Variants in AATK observed in about 807,000 individuals in gnomAD.
AATK encodes lemur tail kinase 1.
In AATK, 91 loss-of-function variants were observed where a neutral mutation model predicts 114.3. The ratio of observed to expected loss-of-function variants is 0.80; its 90% confidence interval spans 0.67 to 0.95. The LOEUF (loss-of-function observed/expected upper bound fraction) is 0.95, where lower values mean the gene tolerates loss of function less well. Ranked by LOEUF, AATK falls within the 40% of genes least tolerant of loss-of-function variation. The pLI is 0.00. For missense variants in AATK, 2,176 were observed against 1,965.2 expected (o/e 1.11, Z -2.03); for synonymous variants, 1,075 against 916.5 (o/e 1.17, Z -3.12).
chr17:81,137,886 A>G (rs2061038413), intron 1 of AATK, among the ~76,000 whole-genome samples: 1 of 151,818 alleles, frequency 6.6e-6, no homozygotes, highest in Admixed American at 6.6e-5. Flanking sequence ...CCGCACAGGC[A>G]TATACCCACG....
At chr17:81,128,574 G>T (rs1442600685) in intron 3 of AATK, 25 bp from the exon 4 acceptor site, 2 of 1,548,388 alleles carry the variant, frequency 1.3e-6, no homozygotes, top group Non-Finnish European at 1.7e-6. Flanking sequence ...GGGGTTCAGG[G>T]ACCCAGTGTG....
In AATK at chr17:81,120,785, C is replaced by G. The variant is rs771319677; in HGVS notation, c.3151G>C (p.Gly1051Arg). 3 of 1,567,756 alleles carry G rather than the reference C, an allele frequency of 1.9e-6. No individual in the cohort carries two copies. The highest frequency in any genetic ancestry group is 2.6e-6 in the Non-Finnish European group (3 of 1,156,944). Residue 1051 changes from glycine (G) to arginine (R), a missense_variant, in exon 11 of 14, where the codon GGC (glycine) becomes CGC (arginine). Around this residue, in one of 4 missense-constraint regions of AATK, gnomAD observed 1,701 missense variants for 1,394.7 expected, o/e 1.22. Transcript: ENST00000326724. ...PGVSGEAQGS[G>R]PGEVLPPLLQ... ...AGTGGGGGCAGCACCTCCCCGGGGC[C>G]AGAGCCTTGTGCCTCCCCGGAAACC...
At chr17:81,161,269 T>C (rs1330790370) in intron 1 of AATK, among the ~76,000 whole-genome samples, 1 of 152,036 alleles carries the variant, frequency 6.6e-6, no homozygotes, top group East Asian at 1.9e-4. Context: ...TTCCTGCCTC[T>C]CCGGCACAGC....
intron 2 of AATK, among the ~76,000 whole-genome samples, chr17:81,134,101 G>A (rs886941998): frequency 5.9e-5 from 9 of 152,160 alleles, no homozygotes; most frequent in Non-Finnish European, 7.4e-5. Flanking sequence ...GTGAGTGCTC[G>A]GGCCCAACCC....
chr17:81,154,302 T>C (rs1439728222), intron 1 of AATK, among the ~76,000 whole-genome samples: 1 of 149,316 alleles, frequency 6.7e-6, no homozygotes, highest in African/African-American at 2.5e-5. Context: ...ATTTTCTTTT[T>C]TCTTAGTTTT....
At position 81,128,457 on chromosome 17, in the gene AATK, G is replaced by T. The variant is rs1349243958; in HGVS notation, c.414+13C>A. On this transcript the variant is annotated intron_variant, in intron 4 of 13. Coordinates refer to ENST00000326724, the MANE Select transcript of AATK (RefSeq NM_001080395.3). ...CCCAGGCGGGAGTCCTCCCTCCCAG[G>T]CGGGACACGTACCTTCCCGAACCAG... is the stretch of plus-strand genomic sequence containing the variant. 1.3e-6 allele frequency: 2 copies of T among 1,548,702 alleles called. No individual in the cohort carries two copies. Among genetic ancestry groups the T allele is most frequent in the Non-Finnish European group, 1.7e-6 (2 of 1,146,788 alleles).
intron 1 of AATK, among the ~76,000 whole-genome samples, chr17:81,144,592 C>T (rs2061189480): frequency 6.6e-6 from 1 of 152,244 alleles, no homozygotes. Context: ...CTCTCAGTGC[C>T]GCACCCCCGG....
intron 9 of AATK, 119 bp downstream of exon 9, chr17:81,124,608 G>A: frequency 5.4e-6 from 8 of 1,492,680 alleles, no homozygotes; most frequent in South Asian, 1.3e-5. Context: ...GCTGGCGTGT[G>A]GCCACTACAG....
chr17:81,138,520 A>C (rs984000648), intron 1 of AATK, among the ~76,000 whole-genome samples: 9 of 147,690 alleles, frequency 6.1e-5, no homozygotes, highest in Non-Finnish European at 1.0e-4. Flanking sequence ...CAATGCACCC[A>C]CACACGTGCA....
intron 1 of AATK, among the ~76,000 whole-genome samples, chr17:81,155,588 C>T (rs2061351346): frequency 6.6e-6 from 1 of 151,966 alleles, no homozygotes; most frequent in African/African-American, 2.4e-5. Flanking sequence ...GTTTCACCAT[C>T]TTGGCCAGGC....
Position 81,122,840 on chromosome 17 carries a change from C to CG in AATK, c.1113-18dup, listed in dbSNP as rs1268866803. ...ACCTCGTACCTGCGAGGAGGTCCCC[C>CG]GGGGGCCACGTCAGAGGCAACGCTG... On this transcript the variant is annotated splice_polypyrimidine_tract_variant and intron_variant, in intron 10 of 13. Transcript: ENST00000326724. 2 of 1,464,814 alleles carry CG rather than the reference C, an allele frequency of 1.4e-6. No homozygotes were observed. The highest frequency in any genetic ancestry group is 1.4e-5 in the South Asian group (1 of 73,070). The allele number at this position is 1,464,814 out of a possible 1,614,324, so 90.7% of individuals were successfully genotyped here.
At chr17:81,132,077 C>A in intron 2 of AATK, 7 of 1,245,514 alleles carry the variant, frequency 5.6e-6, no homozygotes, top group Non-Finnish European at 7.4e-6. Flanking sequence ...TACCCCACCC[C>A]CAAGTCCAGG....
chr17:81,121,315 G>A lies in AATK; in HGVS notation c.2621C>T (p.Thr874Met), dbSNP rs539423427. Reference sequence around the variant, plus strand: ...CCTGGCCTGCAGGCCGTCGCTGGACGTGTCGGTGAAGATGCCTGAGGTGGC... The same window carrying A: ...CCTGGCCTGCAGGCCGTCGCTGGACATGTCGGTGAAGATGCCTGAGGTGGC... Reference protein sequence around the residue: ...AEATSGIFTDTSSDGLQARRP... With the variant: ...AEATSGIFTDMSSDGLQARRP... Residue 874 changes from threonine to methionine, a missense_variant, in exon 11 of 14, where the codon ACG becomes ATG. This residue lies in a region of AATK where 1,701 missense variants were observed against 1,394.7 expected (regional missense o/e 1.22). Coordinates refer to ENST00000326724, the MANE Select transcript of AATK (RefSeq NM_001080395.3). 18 of 1,611,920 alleles carry A rather than the reference G, an allele frequency of 1.1e-5. No individual in the cohort carries two copies. The Middle Eastern group carries it at 8.3e-4, about 74-fold the overall frequency.
chr17:81,138,654 CA>C (rs2061069140), intron 1 of AATK, among the ~76,000 whole-genome samples: 4 of 33,146 alleles, frequency 1.2e-4, no homozygotes, highest in Admixed American at 5.5e-4. Flanking sequence ...CACACATACC[CA>C]CACACATATC....
intron 2 of AATK, 87 bp downstream of exon 2, chr17:81,134,281 A>G (rs112566905): frequency 0.058 from 89,704 of 1,540,682 alleles, 2,843 homozygotes; most frequent in South Asian, 0.098. Flanking sequence ...TGATGGCCCC[A>G]GGAAGGAGGG....
intron 1 of AATK, among the ~76,000 whole-genome samples, chr17:81,143,495 G>A (rs1257895047): frequency 9.0e-5 from 4 of 44,482 alleles, no homozygotes; most frequent in Non-Finnish European, 2.0e-4. Context: ...CCTGCCTCCC[G>A]TGTCCACGCA....
At chr17:81,140,299 A>T (rs573693539) in intron 1 of AATK, among the ~76,000 whole-genome samples, 11 of 152,192 alleles carry the variant, frequency 7.2e-5, no homozygotes, top group Non-Finnish European at 1.5e-4. Flanking sequence ...AGACACTATC[A>T]TTCCCATTTA....
chr17:81,118,738 T>C (rs1463221994), intron 13 of AATK, among the ~76,000 whole-genome samples: 1 of 152,238 alleles, frequency 6.6e-6, no homozygotes, highest in Non-Finnish European at 1.5e-5. Flanking sequence ...ACCTGCCTGC[T>C]TGTTCAGCCA....
chr17:81,122,576 C>A lies in AATK; in HGVS notation c.1360G>T (p.Ala454Ser). 1 of 1,458,270 alleles carries A rather than the reference C, an allele frequency of 6.9e-7. No homozygotes were observed. Among genetic ancestry groups the A allele is most frequent in the Non-Finnish European group, 9.1e-7 (1 of 1,098,132 alleles). The allele number at this position is 1,458,270 out of a possible 1,614,324, so 90.3% of individuals were successfully genotyped here. ...ASSFPLLEQF[A>S]GDGFHADGDD... Reference sequence around the variant, plus strand: ...CCGTCCGCGTGGAAGCCGTCGCCCGCGAACTGCTCCAGCAGCGGGAAGGAC... The same window carrying A: ...CCGTCCGCGTGGAAGCCGTCGCCCGAGAACTGCTCCAGCAGCGGGAAGGAC... The change falls in exon 11 of 14, where the codon GCG becomes TCG. Residue 454 changes from alanine (A) to serine (S), a missense_variant. Ala to Ser is a moderately conservative substitution (Grantham distance 99). This residue lies in a region of AATK where 1,701 missense variants were observed against 1,394.7 expected (regional missense o/e 1.22). Coordinates refer to ENST00000326724, the MANE Select transcript of AATK (RefSeq NM_001080395.3).
Sources: gnomAD v4.1 joint callset for allele counts (sites outside exome capture counted in the v4.1 genomes callset) on GRCh38, gnomAD v4.1.1 for gene constraint, gnomAD v4.1.1 regional missense constraint, MANE v1.5 for transcripts, NCBI Gene and HGNC (gene_info 2026-07-23, HGNC 2026-07-21) for gene names.